The following PARVB variants were observed in gnomAD, a reference collection of about 807,000 sequenced individuals.
PARVB encodes parvin beta.
In PARVB, 46 loss-of-function variants were observed where a neutral mutation model predicts 47.0. The observed-to-expected ratio is 0.98, with a 90% CI of 0.77 to 1.25. PARVB has a LOEUF of 1.25. Among genes scored for constraint, PARVB ranks in the 50% most tolerant of loss-of-function variants. The probability of loss-of-function intolerance (pLI) is 0.00; values close to 1 mark genes in which losing one functional copy is unlikely to be tolerated. For synonymous variants in PARVB, 196 were observed against 196.3 expected, an observed-to-expected ratio of 1.00 and a Z score of 0.01; for missense variants, 473 against 471.6, an observed-to-expected ratio of 1.00 and a Z score of -0.03.
chr22:44,083,999 C>T (rs2051967682), intron 1 of PARVB, among the ~76,000 whole-genome samples: 1 of 152,170 alleles, frequency 6.6e-6, no homozygotes, highest in Non-Finnish European at 1.5e-5. Context: ...AGGCTTGATC[C>T]AGCACATAGA....
chr22:44,116,908 G>T (rs182721808), intron 3 of PARVB, among the ~76,000 whole-genome samples: 10 of 152,226 alleles, frequency 6.6e-5, no homozygotes, highest in Admixed American at 5.9e-4. Flanking sequence ...GAGGAGGCAG[G>T]GTGTTCAGGT....
intron 1 of PARVB, chr22:44,081,572 G>C (rs1003581643): frequency 1.1e-5 from 11 of 984,860 alleles, no homozygotes; most frequent in Non-Finnish European, 1.3e-5. Context: ...ACCAGCGAAC[G>C]TGCTTCTCCA....
chr22:44,010,888 TA>T (rs1460694784), intron 2 of PARVB, among the ~76,000 whole-genome samples: 14 of 149,792 alleles, frequency 9.3e-5, no homozygotes, highest in African/African-American at 3.2e-4. Flanking sequence ...GCACCATGCC[TA>T]TTTTTTTTTT....
At chr22:44,021,788 C>T, upstream of PARVB, among the ~76,000 whole-genome samples, 1 of 140,020 alleles carries the variant, frequency 7.1e-6, no homozygotes, top group Admixed American at 7.0e-5. Flanking sequence ...CACACACACA[C>T]ACACACACAC....
intron 3 of PARVB, among the ~76,000 whole-genome samples, chr22:44,117,743 G>A (rs546514298): frequency 5.9e-5 from 9 of 152,288 alleles, no homozygotes; most frequent in Admixed American, 3.3e-4. Flanking sequence ...GACAGGGGAC[G>A]GTATATTCTG....
chr22:44,055,678 C>CTATATATATATA (rs3083346), intron 1 of PARVB, among the ~76,000 whole-genome samples: 4 of 142,678 alleles, frequency 2.8e-5, no homozygotes, highest in African/African-American at 5.3e-5. Context: ...CTCTCTCTCT[C>CTATATATATATA]TATATATATA....
intron 1 of PARVB, among the ~76,000 whole-genome samples, chr22:44,052,289 G>A (rs575637374): frequency 3.9e-4 from 59 of 152,160 alleles, no homozygotes; most frequent in African/African-American, 1.3e-3. Context: ...CCTGAGAGGC[G>A]GTGTGAATGC....
At chr22:44,013,070 T>C (rs969089153) in intron 2 of PARVB, among the ~76,000 whole-genome samples, 4 of 152,030 alleles carry the variant, frequency 2.6e-5, no homozygotes, top group African/African-American at 9.7e-5. Flanking sequence ...TTAATTTTTT[T>C]GTAGTTTTAG....
upstream of PARVB, among the ~76,000 whole-genome samples, chr22:44,020,405 C>T (rs2146868355): frequency 2.0e-5 from 3 of 152,274 alleles, no homozygotes; most frequent in Middle Eastern, 0.01. Context: ...AATTCTTAGC[C>T]TCAAGTGATT....
At chr22:44,024,169 G>C (rs7290527), upstream of PARVB, 211,306 of 211,320 alleles carry the variant, frequency 1, 105,646 homozygotes, top group Middle Eastern at 1. Flanking sequence ...GACGGCTCTG[G>C]CCGGGACCAG....
At chr22:44,112,686 G>A (rs4823192) in intron 3 of PARVB, 2,545 of 17,722 alleles carry the variant, frequency 0.14, 3 homozygotes, top group South Asian at 0.17. Context: ...GCACCAACAC[G>A]GATACATTGT....
In PARVB at chr22:44,070,190, A is replaced by C. The variant is rs1176510278; in HGVS notation, c.113-23738A>C. On this transcript the variant is annotated intron_variant, in intron 1 of 12. Coordinates refer to ENST00000338758, the MANE Select transcript of PARVB (RefSeq NM_013327.5). The stretch of plus-strand genomic sequence containing the variant: ...TTTTCTTTTACAGTTGAGTAAGCTG[A>C]AGCCCAGAGAGGTTAAGTAACCTGC... Among the ~76,000 whole-genome samples, 10 of 152,190 alleles carry C rather than the reference A, an allele frequency of 6.6e-5. 1 individual carries two copies. The highest frequency in any genetic ancestry group is 6.5e-4 in the Admixed American group (10 of 15,282).
intron 1 of PARVB, among the ~76,000 whole-genome samples, chr22:44,060,992 C>T (rs1038614813): frequency 6.6e-6 from 1 of 152,180 alleles, no homozygotes. Flanking sequence ...GATTGATTAA[C>T]ATTGAGCTCA....
intron 4 of PARVB, among the ~76,000 whole-genome samples, chr22:44,121,280 G>A (rs567174999): frequency 6.6e-6 from 1 of 152,246 alleles, no homozygotes; most frequent in South Asian, 2.1e-4. Context: ...GGGACTACAG[G>A]TGTGAGCTAC....
At chr22:44,052,577 GC>G (rs1265732837) in intron 1 of PARVB, among the ~76,000 whole-genome samples, 10 of 152,208 alleles carry the variant, frequency 6.6e-5, no homozygotes, top group Non-Finnish European at 1.0e-4. Context: ...AATCAACTCT[GC>G]CTTGGAAGCA....
At chr22:44,077,756 C>T (rs2051809674) in intron 1 of PARVB, among the ~76,000 whole-genome samples, 1 of 152,026 alleles carries the variant, frequency 6.6e-6, no homozygotes, top group African/African-American at 2.4e-5. Flanking sequence ...TCTTCTGAGA[C>T]AGTGTCTCAT....
intron 5 of PARVB, among the ~76,000 whole-genome samples, chr22:44,131,976 C>G (rs2053337148): frequency 6.6e-6 from 1 of 152,188 alleles, no homozygotes; most frequent in South Asian, 2.1e-4. Flanking sequence ...CTGGTGGCAG[C>G]AACACCTAGT....
intron 10 of PARVB, among the ~76,000 whole-genome samples, chr22:44,156,569 G>A (rs563061396): frequency 1.1e-4 from 17 of 152,274 alleles, no homozygotes; most frequent in South Asian, 6.2e-4. Context: ...GAGCCACTGC[G>A]CCTAGAAGTT....
intron 2 of PARVB, among the ~76,000 whole-genome samples, chr22:44,013,239 G>T (rs1437097715): frequency 1.3e-5 from 2 of 152,132 alleles, no homozygotes. Flanking sequence ...TTAGAGTGCT[G>T]CCATGTTATC....
Sources: gnomAD v4.1 joint callset for allele counts (sites outside exome capture counted in the v4.1 genomes callset) on GRCh38, gnomAD v4.1.1 for gene constraint, MANE v1.5 for transcripts, NCBI Gene and HGNC (gene_info 2026-07-23, HGNC 2026-07-21) for gene names.